CEP192: variants seen among roughly 807,000 people sequenced by gnomAD.
CEP192 encodes the protein centrosomal protein of 192 kDa.
In CEP192, 151 loss-of-function variants were observed where a neutral mutation model predicts 271.8. The ratio of observed to expected loss-of-function variants is 0.56; its 90% CI spans 0.49 to 0.64. CEP192 has a LOEUF of 0.64. Ranked by LOEUF, CEP192 falls within the 30% of genes least tolerant of loss-of-function variation. The probability of loss-of-function intolerance (pLI) is 0.00; values close to 1 mark genes in which losing one functional copy is unlikely to be tolerated. For missense variants in CEP192, 2,910 were observed against 3,020.5 expected (o/e 0.96, Z 0.86); for synonymous variants, 995 against 1,076.5 (o/e 0.92, Z 1.48).
At chr18:13,079,014 AT>A (rs1229484732) in intron 30 of CEP192, among the ~76,000 whole-genome samples, 4 of 152,094 alleles carry the variant, frequency 2.6e-5, no homozygotes, top group Admixed American at 2.6e-4. Context: ...TATATGCCAC[AT>A]TTTCTTAATC....
Position 13,099,551 on chromosome 18 carries a change from G to T in CEP192, c.6633G>T (p.Leu2211Phe). The change falls in exon 37 of 45, where the codon TTG becomes TTT. Residue 2211 changes from leucine to phenylalanine, a missense_variant. Leu to Phe is a conservative substitution (Grantham distance 22). Transcript: ENST00000506447. ...TKQSMFPWSG[L>F]IYIHCDDGQK... ...AGTCAATGTTCCCGTGGAGTGGTTT[G>T]ATCTATATACACTGTGACGATGGAC... 4 of 1,597,452 alleles carry T rather than the reference G, an allele frequency of 2.5e-6. No individual in the cohort carries two copies. The highest frequency in any genetic ancestry group is 3.4e-6 in the Non-Finnish European group (4 of 1,171,288).
At chr18:13,109,019 A>G (rs1003630727) in intron 40 of CEP192, among the ~76,000 whole-genome samples, 1 of 152,250 alleles carries the variant, frequency 6.6e-6, no homozygotes, top group Non-Finnish European at 1.5e-5. Flanking sequence ...TAGAGCTACT[A>G]TTCAACCCAG....
intron 1 of CEP192, among the ~76,000 whole-genome samples, chr18:12,997,899 A>G (rs1050902335): frequency 4.0e-5 from 6 of 151,826 alleles, no homozygotes; most frequent in African/African-American, 1.5e-4. Context: ...TAGTTTTTGT[A>G]TTTTTAGTAG....
chr18:13,100,029 A>G (rs2039631682), intron 37 of CEP192, among the ~76,000 whole-genome samples: 2 of 152,198 alleles, frequency 1.3e-5, no homozygotes, highest in South Asian at 2.1e-4. Flanking sequence ...GAATTTTTCC[A>G]TAGTGATCAG....
At chr18:13,082,864 T>C (rs1157362662) in intron 30 of CEP192, among the ~76,000 whole-genome samples, 5 of 152,214 alleles carry the variant, frequency 3.3e-5, no homozygotes, top group Admixed American at 3.3e-4. Context: ...AGGATTTTAT[T>C]TCTCCTTCAC....
chr18:13,097,679 G>C (rs1329183249), intron 36 of CEP192, among the ~76,000 whole-genome samples: 1 of 141,400 alleles, frequency 7.1e-6, no homozygotes, highest in African/African-American at 2.7e-5. Context: ...TCATTCTTGG[G>C]TGTTTCTCGC....
At chr18:13,022,983 T>G (rs951986063) in intron 9 of CEP192, among the ~76,000 whole-genome samples, 3 of 152,230 alleles carry the variant, frequency 2.0e-5, no homozygotes, top group African/African-American at 7.2e-5. Flanking sequence ...CAAATTCTAC[T>G]TGTTCATTGC....
At chr18:13,065,842 C>T (rs1455626653) in intron 21 of CEP192, among the ~76,000 whole-genome samples, 1 of 152,192 alleles carries the variant, frequency 6.6e-6, no homozygotes, top group Non-Finnish European at 1.5e-5. Flanking sequence ...GGCCTGGTGT[C>T]TTCTCTAGAA....
At chr18:13,122,903 T>TAGAGA (rs2040739102) in intron 44 of CEP192, among the ~76,000 whole-genome samples, 1 of 152,298 alleles carries the variant, frequency 6.6e-6, no homozygotes, top group East Asian at 1.9e-4. Flanking sequence ...CAAAGTACTT[T>TAGAGA]TTAAAATATA....
At chr18:13,123,495 T>A (rs557829971) in intron 44 of CEP192, among the ~76,000 whole-genome samples, 21 of 152,346 alleles carry the variant, frequency 1.4e-4, no homozygotes, top group Admixed American at 1.0e-3. Flanking sequence ...AGAGCGACAC[T>A]GCTGGGATTT....
Position 13,049,470 on chromosome 18 carries a change from C to T in CEP192, c.2679C>T (p.Asn893=), listed in dbSNP as rs765665253. The change falls in exon 16 of 45, where the codon AAC becomes AAT. Residue 893 remains asparagine (N), a synonymous_variant. Transcript: ENST00000506447. Reference sequence around the variant, plus strand: ...ACAACAAATTACAAGATGTTGGTAACGATGAAAAAGCTACCTCAATTTCCA... The same window carrying T: ...ACAACAAATTACAAGATGTTGGTAATGATGAAAAAGCTACCTCAATTTCCA... The part of the protein sequence containing the change: ...SIDNKLQDVG[N]DEKATSISTP... 134 of 1,613,874 alleles carry T rather than the reference C, an allele frequency of 8.3e-5. No individual in the cohort carries two copies. Among genetic ancestry groups the T allele is most frequent in the Middle Eastern group, 1.6e-4 (1 of 6,084 alleles).
intron 20 of CEP192, chr18:13,058,546 G>A (rs189584524): frequency 3.6e-4 from 55 of 153,570 alleles, no homozygotes; most frequent in Admixed American, 8.4e-4. Context: ...GGTGGAAGGT[G>A]GGCTGTGAAG....
At chr18:13,024,471 A>G (rs1164293163) in intron 9 of CEP192, 1 of 356,960 alleles carries the variant, frequency 2.8e-6, no homozygotes, top group African/African-American at 2.2e-5. Context: ...TTATTTATTT[A>G]TTTATTTTTT....
At position 13,113,615 on chromosome 18, in the gene CEP192, G is replaced by C. The variant is rs746527313; in HGVS notation, c.7077G>C (p.Arg2359Ser). 10 of 1,613,372 alleles carry C rather than the reference G, an allele frequency of 6.2e-6. No homozygotes were observed. In the Admixed American group the frequency reaches 1.7e-4, roughly 27 times the overall value. The change falls in exon 41 of 45, where the codon AGG becomes AGC. Residue 2359 changes from arginine (R) to serine (S), a missense_variant. Physicochemically the swap from Arg to Ser is moderately radical, Grantham distance 110. Transcript: ENST00000506447. ...KVSITFLPRG[R>S]GDYAQFWDVE... is the part of the protein sequence containing the mutation. ...CCATCACATTTTTGCCCAGAGGTAGGGGGGATTATGCCCAGTTTTGGGATG... is the reference window on the plus strand; with the variant it reads ...CCATCACATTTTTGCCCAGAGGTAGCGGGGATTATGCCCAGTTTTGGGATG...
chr18:13,117,517 G>T, intron 43 of CEP192, 68 bp from the exon 44 acceptor site: 1 of 1,100,932 alleles, frequency 9.1e-7, no homozygotes. Flanking sequence ...ATAAATGCTT[G>T]GTATGCTTAT....
intron 42 of CEP192, 54 bp downstream of exon 42, chr18:13,114,305 T>G: frequency 6.3e-7 from 1 of 1,578,070 alleles, no homozygotes. Context: ...TATTGAGGAA[T>G]AGAGTCAGTA....
chr18:13,077,298 A>C (rs552305512), intron 30 of CEP192, among the ~76,000 whole-genome samples: 2 of 152,300 alleles, frequency 1.3e-5, no homozygotes, highest in East Asian at 3.9e-4. Flanking sequence ...CAGAATCAGA[A>C]ACTTTTTGAG....
At chr18:13,068,501 C>A in intron 24 of CEP192, 79 bp downstream of exon 24, 1 of 1,149,454 alleles carries the variant, frequency 8.7e-7, no homozygotes, top group Non-Finnish European at 1.3e-6. Context: ...TTTCCTTTGT[C>A]AATAAATGTC....
chr18:13,089,867 C>G (rs78377762), intron 33 of CEP192, among the ~76,000 whole-genome samples: 5 of 152,152 alleles, frequency 3.3e-5, no homozygotes, highest in African/African-American at 9.7e-5. Flanking sequence ...ACTTTCTGCA[C>G]TTATTCTCTA....
Sources: allele counts gnomAD v4.1 joint callset (sites outside exome capture counted in the v4.1 genomes callset), GRCh38; gene constraint gnomAD v4.1.1; transcripts MANE v1.5; gene names NCBI Gene and HGNC (gene_info 2026-07-23, HGNC 2026-07-21).